Variants in IL1RAPL2 observed in about 807,000 individuals in gnomAD.
IL1RAPL2 encodes X-linked interleukin-1 receptor accessory protein-like 2.
A neutral mutation model predicts 44.1 loss-of-function variants in IL1RAPL2; 3 were observed. That is an observed-to-expected ratio of 0.07 (90% confidence interval 0.03 to 0.18). The LOEUF (loss-of-function observed/expected upper bound fraction) is 0.18, where lower values mean the gene tolerates loss of function less well. IL1RAPL2 is among the 10% of genes least tolerant of loss of function. IL1RAPL2 has a pLI of 1.00. For missense variants in IL1RAPL2, 391 were observed against 496.4 expected (o/e 0.79, Z 2.02); for synonymous variants, 181 against 178.8 (o/e 1.01, Z -0.10).
chrX:104,855,401 G>A (rs760368546), intron 2 of IL1RAPL2, among the ~76,000 whole-genome samples: 1 of 111,232 alleles, frequency 9.0e-6, no homozygotes, highest in South Asian at 3.8e-4. Context: ...TGGCAATCTG[G>A]ACCAGAATGG....
chrX:104,756,888 G>A (rs185467652), intron 2 of IL1RAPL2, among the ~76,000 whole-genome samples: 20 of 109,732 alleles, frequency 1.8e-4, no homozygotes, highest in Non-Finnish European at 2.5e-4. Flanking sequence ...TGAGACGAGA[G>A]CATGCCTGGG....
At chrX:105,248,645 A>AG (rs2034243040) in intron 4 of IL1RAPL2, among the ~76,000 whole-genome samples, 1 of 94,355 alleles carries the variant, frequency 1.1e-5, no homozygotes, top group African/African-American at 6.7e-5. Flanking sequence ...ATAATTTTGT[A>AG]GGAAAAAAAC....
intron 1 of IL1RAPL2, among the ~76,000 whole-genome samples, chrX:104,624,355 C>A (rs1281608214): frequency 1.8e-5 from 2 of 110,097 alleles, no homozygotes; most frequent in African/African-American, 6.6e-5. Context: ...CATTACAAAT[C>A]ATTAAAAAAA....
At chrX:104,903,610 C>A (rs893569641) in intron 2 of IL1RAPL2, among the ~76,000 whole-genome samples, 18 of 111,244 alleles carry the variant, frequency 1.6e-4, no homozygotes, top group African/African-American at 5.9e-4. Context: ...CAGAGTCTGA[C>A]TCTGTTGCCC....
intron 5 of IL1RAPL2, among the ~76,000 whole-genome samples, chrX:105,329,875 T>C (rs755231851): frequency 3.7e-4 from 41 of 111,991 alleles, no homozygotes; most frequent in Middle Eastern, 4.7e-3. Flanking sequence ...GGGTTAATTA[T>C]ATACATATTA....
At chrX:105,559,008 T>C (rs1159629134) in intron 6 of IL1RAPL2, among the ~76,000 whole-genome samples, 1 of 112,036 alleles carries the variant, frequency 8.9e-6, no homozygotes, top group East Asian at 2.8e-4. Flanking sequence ...TTATCTTTAA[T>C]TTACATTGCC....
chrX:105,496,266 G>A (rs2036355982), intron 6 of IL1RAPL2, among the ~76,000 whole-genome samples: 1 of 112,306 alleles, frequency 8.9e-6, no homozygotes, highest in Non-Finnish European at 1.9e-5. Flanking sequence ...TAAAGGTTGT[G>A]CCCTGACCCA....
chrX:105,013,663 A>G (rs981097659), intron 2 of IL1RAPL2, among the ~76,000 whole-genome samples: 2 of 110,528 alleles, frequency 1.8e-5, no homozygotes, highest in Admixed American at 9.6e-5. Context: ...CTCTATGAAG[A>G]AATCATCTAA....
chrX:104,673,929 G>C (rs1315955848), intron 2 of IL1RAPL2, among the ~76,000 whole-genome samples: 1 of 110,555 alleles, frequency 9.0e-6, no homozygotes, highest in East Asian at 2.8e-4. Context: ...GAATGCTTGT[G>C]ATTTTTGTAC....
chrX:104,946,402 A>AAAAAAAAAAAAAAAC (rs1556018731), intron 2 of IL1RAPL2, among the ~76,000 whole-genome samples: 2 of 95,674 alleles, frequency 2.1e-5, no homozygotes, highest in Non-Finnish European at 2.1e-5. Context: ...AAAAAAAAAA[A>AAAAAAAAAAAAAAAC]AAAAAAACTT....
chrX:105,298,528 CAA>C (rs2034671708), intron 5 of IL1RAPL2, among the ~76,000 whole-genome samples: 1 of 110,839 alleles, frequency 9.0e-6, no homozygotes, highest in African/African-American at 3.3e-5. Context: ...GAGATTTAAA[CAA>C]GAGTTCAGTT....
chrX:105,012,955 C>T (rs1054211579), intron 2 of IL1RAPL2, among the ~76,000 whole-genome samples: 7 of 110,321 alleles, frequency 6.3e-5, no homozygotes, highest in African/African-American at 2.3e-4. Flanking sequence ...GTTAGATGGC[C>T]GTTGAGCAGG....
chrX:105,339,532 C>T (rs1411462557), intron 5 of IL1RAPL2, among the ~76,000 whole-genome samples: 1 of 111,491 alleles, frequency 9.0e-6, no homozygotes, highest in South Asian at 3.7e-4. Flanking sequence ...TAAACTAAAA[C>T]ATTAAAATGA....
At chrX:104,908,106 T>A (rs1345655363) in intron 2 of IL1RAPL2, among the ~76,000 whole-genome samples, 19 of 110,693 alleles carry the variant, frequency 1.7e-4, no homozygotes, top group African/African-American at 5.9e-4. Context: ...GTCTGTTTTA[T>A]CAGAGACTAG....
intron 2 of IL1RAPL2, among the ~76,000 whole-genome samples, chrX:105,128,837 A>G (rs2033000695): frequency 9.0e-6 from 1 of 111,308 alleles, no homozygotes; most frequent in Admixed American, 9.6e-5. Context: ...AATATTAGCT[A>G]TAGTACAAAA....
In IL1RAPL2 at chrX:104,848,407, CTGTATATATATATATATATATATATATA is replaced by C. The variant is rs1264114177; in HGVS notation, c.82+189414_82+189441del. On this transcript the variant is annotated intron_variant, in intron 2 of 10. Coordinates refer to ENST00000372582, the MANE Select transcript of IL1RAPL2 (RefSeq NM_017416.2). ...TACAAATTTTTAAAAAGATTTTTAT[CTGTATATATATATATATATATATATATA>C]TATATATATATATATAACTTAAACA... 6.7e-4 allele frequency among the ~76,000 whole-genome samples: 25 copies of C among 37,382 alleles called. No individual in the cohort carries two copies. In the Admixed American group the frequency reaches 8.6e-3, roughly 13 times the overall value. The allele number at this position is 37,382 out of a possible 115,157, so 32.5% of individuals were successfully genotyped here. A position where few individuals can be genotyped will look rare whatever the true frequency, so the allele number is the denominator to read the frequency against.
intron 2 of IL1RAPL2, among the ~76,000 whole-genome samples, chrX:105,046,841 G>GTTTGTT: frequency 1.3e-5 from 1 of 74,313 alleles, no homozygotes. Flanking sequence ...TTTTTTGGGG[G>GTTTGTT]GGTGCTAGAC....
chrX:104,625,140 A>G (rs1929475882), intron 1 of IL1RAPL2, among the ~76,000 whole-genome samples: 1 of 111,389 alleles, frequency 9.0e-6, no homozygotes, highest in African/African-American at 3.3e-5. Context: ...CACTCTTCCC[A>G]ACTGACGTGC....
chrX:105,671,592 C>G (rs1368778174), intron 6 of IL1RAPL2, among the ~76,000 whole-genome samples: 2 of 111,664 alleles, frequency 1.8e-5, no homozygotes, highest in African/African-American at 6.5e-5. Context: ...AAAAATTTGT[C>G]TTTGTGTTTA....
Sources: allele counts gnomAD v4.1 joint callset (sites outside exome capture counted in the v4.1 genomes callset), GRCh38; gene constraint gnomAD v4.1.1; transcripts MANE v1.5; gene names NCBI Gene and HGNC (gene_info 2026-07-23, HGNC 2026-07-21).